The following BICC1 variants were observed in gnomAD, a reference collection of about 807,000 sequenced individuals.
BICC1 encodes the protein BicC family RNA binding protein 1, also known as protein bicaudal C homolog 1.
In BICC1, 43 loss-of-function variants were observed where a neutral mutation model predicts 111.0. The ratio of observed to expected loss-of-function variants is 0.39; its 90% confidence interval spans 0.30 to 0.50. The LOEUF (loss-of-function observed/expected upper bound fraction) is 0.50, where lower values mean the gene tolerates loss of function less well. BICC1 is among the 20% of genes least tolerant of loss of function. The pLI is 0.88. For missense variants in BICC1, 1,091 were observed against 1,203.2 expected, an observed-to-expected ratio of 0.91 and a Z score of 1.38; for synonymous variants, 467 against 434.4, an observed-to-expected ratio of 1.07 and a Z score of -0.93.
chr10:58,789,227 ACT>A (rs754036178), intron 6 of BICC1, 33 bp from the exon 7 acceptor site: 3 of 1,569,344 alleles, frequency 1.9e-6, no homozygotes, highest in East Asian at 4.5e-5. Flanking sequence ...TAATGCTTTA[ACT>A]CTCTGCTTTG....
rs1227122931 is a variant in BICC1, at chr10:58,767,194, A to G, written c.308-17807A>G. On this transcript the variant is annotated intron_variant, in intron 3 of 20. Transcript: ENST00000373886. ...GTACAAGCCTTTACAGGTGGTTTGT[A>G]GTCAGTTGGCTTGACTCTGGGATTG... 3.9e-5 allele frequency among the ~76,000 whole-genome samples: 6 copies of G among 152,044 alleles called. No individual in the cohort carries two copies. The South Asian group carries it at 1.2e-3, about 32-fold the overall frequency.
rs915511382 is a variant in BICC1 at position 58,696,938 on chromosome 10, G to A, written c.238-5136G>A. Among the ~76,000 whole-genome samples the A allele has an allele frequency of 1.5e-4, 23 of 152,234 alleles. No individual in the cohort carries two copies. The East Asian group carries it at 3.9e-3, about 26-fold the overall frequency. On this transcript the variant is annotated intron_variant, in intron 2 of 20. Coordinates refer to ENST00000373886, the MANE Select transcript of BICC1 (RefSeq NM_001080512.3). ...AGGGCTTCCCCCACCCCCCTGCTGA[G>A]ACGACATCATTTTCTTCGTGGAGAT...
In BICC1 at chr10:58,732,375, GTA is replaced by G. The variant is rs1478722143; in HGVS notation, c.307+30234_307+30235del. Among the ~76,000 whole-genome samples the G allele has an allele frequency of 2.8e-3, 17 of 6,078 alleles. 1 individual carries two copies. The highest frequency in any genetic ancestry group is 0.018 in the South Asian group (4 of 228). 4.0% of individuals were successfully genotyped at this position (6,078 alleles called of 152,430 possible). The stretch of plus-strand genomic sequence containing the variant: ...TGTATGTGTGTGTGTGTGTGTGTGT[GTA>G]TGTATATATATATATATATATATAT... On this transcript the variant is annotated intron_variant, in intron 3 of 20. Coordinates refer to ENST00000373886, the MANE Select transcript of BICC1 (RefSeq NM_001080512.3).
At position 58,813,934 on chromosome 10, in the gene BICC1, T is replaced by C. The variant is rs1440603498; in HGVS notation, c.2481T>C (p.His827=). 6.2e-7 allele frequency: 1 copy of C among 1,614,022 alleles called. No homozygotes were observed. Among genetic ancestry groups the C allele is most frequent in the East Asian group, 2.2e-5 (1 of 44,846 alleles). ...RDRNGIGPGS[H]SEFAASIGSP... is the part of the protein sequence containing the mutation. ...GAAATGGAATTGGACCTGGAAGTCATAGTGAATTTGCAGCTTCTATTGGCA... is the reference window on the plus strand; with the variant it reads ...GAAATGGAATTGGACCTGGAAGTCACAGTGAATTTGCAGCTTCTATTGGCA... The change falls in exon 18 of 21, where the codon CAT becomes CAC. Residue 827 remains histidine (H), a synonymous_variant. Coordinates refer to ENST00000373886, the MANE Select transcript of BICC1 (RefSeq NM_001080512.3).
intron 2 of BICC1, among the ~76,000 whole-genome samples, chr10:58,679,325 TA>T (rs1839441989): frequency 6.6e-6 from 1 of 151,924 alleles, no homozygotes; most frequent in Non-Finnish European, 1.5e-5. Flanking sequence ...AAGAATCAAA[TA>T]GACAAAATTA....
chr10:58,601,140 T>TAATATATATATATATATATATATATA lies in BICC1; in HGVS notation c.191-19715_191-19714insAATATATATATATATATATATATATA, dbSNP rs1554810885. Reference sequence around the variant, plus strand: ...ACTTTTTAGGCAGTCATTTTAAAACTTATATATATATATATATATATATAT... The same window carrying TAATATATATATATATATATATATATA: ...ACTTTTTAGGCAGTCATTTTAAAACTAATATATATATATATATATATATATATATATATATATATATATATATATAT... On this transcript the variant is annotated intron_variant, in intron 1 of 20. Transcript: ENST00000373886. Among the ~76,000 whole-genome samples, 67 of 100,630 alleles carry TAATATATATATATATATATATATATA rather than the reference T, an allele frequency of 6.7e-4. 2 individuals are homozygous for TAATATATATATATATATATATATATA. The highest frequency in any genetic ancestry group is 1.1e-3 in the East Asian group (4 of 3,660). The allele number at this position is 100,630 out of a possible 152,430, so 66.0% of individuals were successfully genotyped here.
At chr10:58,750,935 GA>G (rs577303767) in intron 3 of BICC1, among the ~76,000 whole-genome samples, 36 of 152,220 alleles carry the variant, frequency 2.4e-4, no homozygotes, top group African/African-American at 7.5e-4. Context: ...TCTTCCTTGG[GA>G]AAGTCTTTTG....
chr10:58,522,280 A>G (rs1842412215), intron 1 of BICC1, among the ~76,000 whole-genome samples: 2 of 152,150 alleles, frequency 1.3e-5, no homozygotes, highest in Non-Finnish European at 1.5e-5. Flanking sequence ...TTAAAAACAC[A>G]CTTTTCATTG....
intron 1 of BICC1, among the ~76,000 whole-genome samples, chr10:58,544,924 A>G (rs1378343329): frequency 5.9e-5 from 9 of 152,082 alleles, no homozygotes. Flanking sequence ...GGAACTTTGG[A>G]TACAGAGATA....
chr10:58,698,923 A>T (rs1840146465), intron 2 of BICC1, among the ~76,000 whole-genome samples: 1 of 152,214 alleles, frequency 6.6e-6, no homozygotes. Flanking sequence ...CATAATGGCT[A>T]GATTACACAC....
chr10:58,789,596 A>G (rs1160561445), intron 7 of BICC1, 86 bp from the exon 8 acceptor site: 14 of 1,547,346 alleles, frequency 9.0e-6, no homozygotes, highest in African/African-American at 1.4e-5. Context: ...GTATTTTTCC[A>G]TAGCTGTTAG....
At chr10:58,809,389 G>A (rs1843826078) in intron 17 of BICC1, among the ~76,000 whole-genome samples, 1 of 151,892 alleles carries the variant, frequency 6.6e-6, no homozygotes, top group African/African-American at 2.4e-5. Flanking sequence ...TTTGAGACCA[G>A]GTTATGAGAC....
At chr10:58,685,226 T>C (rs1839677694) in intron 2 of BICC1, among the ~76,000 whole-genome samples, 1 of 152,192 alleles carries the variant, frequency 6.6e-6, no homozygotes, top group Non-Finnish European at 1.5e-5. Context: ...TGCACTGTGG[T>C]CTGAGAGACA....
chr10:58,635,788 C>T (rs1013922499), intron 2 of BICC1, among the ~76,000 whole-genome samples: 1 of 152,186 alleles, frequency 6.6e-6, no homozygotes, highest in African/African-American at 2.4e-5. Context: ...TCGTTCTTGA[C>T]TCTAACAGCG....
At chr10:58,566,239 TAC>T (rs1843756475) in intron 1 of BICC1, among the ~76,000 whole-genome samples, 1 of 151,898 alleles carries the variant, frequency 6.6e-6, no homozygotes, top group Non-Finnish European at 1.5e-5. Context: ...TCTATACATG[TAC>T]ACACGTGCAT....
chr10:58,648,078 C>A (rs1298188683), intron 2 of BICC1, among the ~76,000 whole-genome samples: 1 of 152,028 alleles, frequency 6.6e-6, no homozygotes, highest in East Asian at 1.9e-4. Flanking sequence ...AAAAGATTTT[C>A]GGAAATACAC....
At chr10:58,602,352 C>T (rs188650282) in intron 1 of BICC1, among the ~76,000 whole-genome samples, 2 of 152,038 alleles carry the variant, frequency 1.3e-5, no homozygotes, top group African/African-American at 2.4e-5. Flanking sequence ...GAAAGGAAAT[C>T]GAGGTAACAT....
intron 1 of BICC1, among the ~76,000 whole-genome samples, chr10:58,531,100 A>G (rs1313885464): frequency 2.0e-5 from 3 of 151,884 alleles, no homozygotes; most frequent in African/African-American, 7.2e-5. Context: ...CCTTGGGAGA[A>G]AAAGAGTAAA....
chr10:58,748,119 A>G (rs1426885013), intron 3 of BICC1, among the ~76,000 whole-genome samples: 1 of 152,144 alleles, frequency 6.6e-6, no homozygotes, highest in Non-Finnish European at 1.5e-5. Flanking sequence ...ACGTAGCTGG[A>G]TAAAAGACAT....
Sources: allele counts gnomAD v4.1 joint callset (sites outside exome capture counted in the v4.1 genomes callset), GRCh38; gene constraint gnomAD v4.1.1; transcripts MANE v1.5; gene names NCBI Gene and HGNC (gene_info 2026-07-23, HGNC 2026-07-21).